Variants in MEGF11 observed in about 807,000 individuals in gnomAD.
MEGF11 encodes the protein multiple EGF like domains 11.
Under a neutral mutation model 146.6 loss-of-function variants are expected in MEGF11, and 126 were observed. The observed-to-expected ratio is 0.86, with a 90% CI of 0.74 to 1.00. The LOEUF (loss-of-function observed/expected upper bound fraction) is 1.00. MEGF11 is among the 50% of genes least tolerant of loss of function. The pLI is 0.00. For missense variants in MEGF11, 1,509 were observed against 1,521.2 expected, an observed-to-expected ratio of 0.99 and a Z score of 0.13; for synonymous variants, 532 against 583.4, an observed-to-expected ratio of 0.91 and a Z score of 1.27.
chr15:66,217,533 T>C (rs576598123), intron 1 of MEGF11, among the ~76,000 whole-genome samples: 10 of 152,248 alleles, frequency 6.6e-5, no homozygotes, highest in Non-Finnish European at 1.5e-4. Flanking sequence ...TGTGGGACTT[T>C]CTTTGTAGAG....
intron 10 of MEGF11, among the ~76,000 whole-genome samples, chr15:65,934,970 G>T (rs2079716719): frequency 6.6e-6 from 1 of 152,100 alleles, no homozygotes; most frequent in Admixed American, 6.5e-5. Flanking sequence ...TCTCTAGCAA[G>T]TTAATTGAAC....
In MEGF11 at chr15:66,079,537, ACC is replaced by A. The variant is rs56067269; in HGVS notation, c.394+14863_394+14864del. On this transcript the variant is annotated intron_variant, in intron 5 of 25. Coordinates refer to ENST00000395614, the MANE Select transcript of MEGF11 (RefSeq NM_001385028.1). Reference sequence around the variant, plus strand: ...CCTCCACCTGGGAACCTTCATTCACACCCCCCCCCCCAGCACCCCCGCCAAAA... The same window carrying A: ...CCTCCACCTGGGAACCTTCATTCACACCCCCCCCCAGCACCCCCGCCAAAA... 2.3e-3 allele frequency among the ~76,000 whole-genome samples: 282 copies of A among 122,086 alleles called. 9 individuals are homozygous for A. The highest frequency in any genetic ancestry group is 7.5e-3 in the African/African-American group (213 of 28,498). 80.1% of individuals were successfully genotyped at this position (122,086 alleles called of 152,430 possible). A position where few individuals can be genotyped will look rare whatever the true frequency, so the allele number is the denominator to read the frequency against.
At position 66,099,344 on chromosome 15, in the gene MEGF11, G is replaced by A. The variant is rs375495428; in HGVS notation, c.302-4850C>T. Among the ~76,000 whole-genome samples, 4 of 151,718 alleles carry A rather than the reference G, an allele frequency of 2.6e-5. No individual in the cohort carries two copies. In the East Asian group the frequency reaches 7.7e-4, roughly 29 times the overall value. ...ATTACAGGCACGCGCCACCAAGCCC[G>A]GCTAATCTTTTTGTATTTTTAGTAG... is the stretch of plus-strand genomic sequence containing the variant. On this transcript the variant is annotated intron_variant, in intron 4 of 25. Coordinates refer to ENST00000395614, the MANE Select transcript of MEGF11 (RefSeq NM_001385028.1).
At position 66,108,846 on chromosome 15, in the gene MEGF11, C is replaced by T. The variant is rs567079647; in HGVS notation, c.301+10240G>A. On this transcript the variant is annotated intron_variant, in intron 4 of 25. Transcript: ENST00000395614. ...TGGCAAGTTCCCGTAGAGAAACTGGCGCTTAGACTGGGCACAGGGTAGCCA... is the reference window on the plus strand; with the variant it reads ...TGGCAAGTTCCCGTAGAGAAACTGGTGCTTAGACTGGGCACAGGGTAGCCA... Among the ~76,000 whole-genome samples the T allele has an allele frequency of 5.3e-5, 8 of 152,188 alleles. No individual in the cohort carries two copies. In the South Asian group the frequency reaches 6.2e-4, roughly 12 times the overall value.
intron 1 of MEGF11, among the ~76,000 whole-genome samples, chr15:66,173,823 GA>G (rs887662978): frequency 2.0e-4 from 31 of 152,274 alleles, no homozygotes; most frequent in Non-Finnish European, 3.2e-4. Context: ...AAAAGGCCCT[GA>G]CCACCTGCTT....
chr15:65,965,608 TTTTTC>T lies in MEGF11; in HGVS notation c.900-493_900-489del, dbSNP rs1364180628. Reference sequence around the variant, plus strand: ...TCTTTCTTTCTTTCTTTCTTTTTTTTTTTTCTTTTTTTTTTTTTTGGCTCTTCTAT... The same window carrying T: ...TCTTTCTTTCTTTCTTTCTTTTTTTTTTTTTTTTTTTTTTGGCTCTTCTAT... On this transcript the variant is annotated intron_variant, in intron 8 of 25. Transcript: ENST00000395614. 6.4e-4 allele frequency among the ~76,000 whole-genome samples: 44 copies of T among 68,892 alleles called. 2 individuals carry two copies. The highest frequency in any genetic ancestry group is 1.7e-3 in the South Asian group (3 of 1,744). 45.2% of individuals were successfully genotyped at this position (68,892 alleles called of 152,430 possible).
intron 1 of MEGF11, among the ~76,000 whole-genome samples, chr15:66,175,250 A>C (rs1199225747): frequency 2.0e-5 from 3 of 152,182 alleles, no homozygotes; most frequent in Non-Finnish European, 2.9e-5. Context: ...GAATGGTGAA[A>C]GCAATCTACA....
At chr15:66,098,744 T>A (rs2086656354) in intron 4 of MEGF11, among the ~76,000 whole-genome samples, 1 of 152,210 alleles carries the variant, frequency 6.6e-6, no homozygotes, top group Non-Finnish European at 1.5e-5. Context: ...TACATCCACG[T>A]GGACCCAAGT....
chr15:66,146,279 G>A (rs181480649), intron 1 of MEGF11, among the ~76,000 whole-genome samples: 161 of 152,292 alleles, frequency 1.1e-3, no homozygotes, highest in African/African-American at 3.5e-3. Context: ...CACCTCCAGC[G>A]GGAAGGCTGT....
At chr15:65,977,603 C>T (rs553369320) in intron 7 of MEGF11, among the ~76,000 whole-genome samples, 9 of 151,880 alleles carry the variant, frequency 5.9e-5, no homozygotes, top group East Asian at 1.9e-4. Context: ...CCTCAGCCTC[C>T]GAATAGCTGG....
chr15:66,227,051 A>C (rs944880071), intron 1 of MEGF11, among the ~76,000 whole-genome samples: 1 of 152,188 alleles, frequency 6.6e-6, no homozygotes, highest in Non-Finnish European at 1.5e-5. Context: ...AGGTCCACGG[A>C]GGCCTCTGAA....
rs565013453 is a variant in MEGF11, at chr15:66,004,131, A to G, written c.395-21643T>C. Among the ~76,000 whole-genome samples, 27 of 152,338 alleles carry G rather than the reference A, an allele frequency of 1.8e-4. No homozygotes were observed. The South Asian group carries it at 4.1e-3, about 23-fold the overall frequency. ...AACAACCCAAACACCTGTAAAACGG[A>G]CATACCAATCCATGTCCTGCCCCAC... On this transcript the variant is annotated intron_variant, in intron 5 of 25. Coordinates refer to ENST00000395614, the MANE Select transcript of MEGF11 (RefSeq NM_001385028.1).
chr15:66,071,912 A>G (rs900940672), intron 5 of MEGF11, among the ~76,000 whole-genome samples: 34 of 152,198 alleles, frequency 2.2e-4, no homozygotes, highest in African/African-American at 7.2e-4. Flanking sequence ...ACCCAGCATC[A>G]GCATCTGACG....
At chr15:66,150,169 C>T (rs2089510699) in intron 1 of MEGF11, among the ~76,000 whole-genome samples, 2 of 152,190 alleles carry the variant, frequency 1.3e-5, no homozygotes, top group Admixed American at 1.3e-4. Flanking sequence ...AAGCTGTGGT[C>T]CCTCCAGCCC....
At chr15:66,175,068 A>AT (rs1046563481) in intron 1 of MEGF11, among the ~76,000 whole-genome samples, 4 of 152,128 alleles carry the variant, frequency 2.6e-5, no homozygotes, top group South Asian at 2.1e-4. Flanking sequence ...AATTTACTGA[A>AT]TTTTTTTATC....
At chr15:66,005,472 T>C (rs1316626588) in intron 5 of MEGF11, among the ~76,000 whole-genome samples, 4 of 152,228 alleles carry the variant, frequency 2.6e-5, no homozygotes, top group Non-Finnish European at 5.9e-5. Context: ...ACTCTTATGA[T>C]TCGTGCTCCA....
rs1196123805 is a variant in MEGF11, at chr15:65,982,355, G to A, written c.528C>T (p.Cys176=). The A allele has an allele frequency of 1.3e-6, 2 of 1,534,660 alleles. No individual in the cohort carries two copies. The highest frequency in any genetic ancestry group is 1.7e-6 in the Non-Finnish European group (2 of 1,143,136). The change falls in exon 6 of 26, where the codon TGC becomes TGT. Residue 176 remains cysteine (C), a synonymous_variant. Transcript: ENST00000395614. This position sits in a 1 kb window ranked among gnomAD's most constrained non-coding sequence, Gnocchi z 5.6. ...ATCCCTTGCCGTGGGTGCCAGGTGC[G>A]CAGAGCTCCTCGCAGCGCCATCCAC... ...GFRGWRCEEL[C]APGTHGKGCQ...
intron 5 of MEGF11, among the ~76,000 whole-genome samples, chr15:66,026,112 T>C (rs1274604044): frequency 6.6e-6 from 1 of 152,212 alleles, no homozygotes; most frequent in Admixed American, 6.5e-5. Context: ...TGACAGGGGA[T>C]TTCCCCCACT....
At chr15:66,109,598 C>T (rs749860805) in intron 4 of MEGF11, among the ~76,000 whole-genome samples, 4 of 152,180 alleles carry the variant, frequency 2.6e-5, no homozygotes, top group East Asian at 1.9e-4. Context: ...GGCAAAACAA[C>T]GTGCTCGGGG....
Sources: allele counts gnomAD v4.1 joint callset (sites outside exome capture counted in the v4.1 genomes callset), GRCh38; gene constraint gnomAD v4.1.1; non-coding constraint Gnocchi (gnomAD v3.1); transcripts MANE v1.5; gene names NCBI Gene and HGNC (gene_info 2026-07-23, HGNC 2026-07-21).